UBR3: variants seen among roughly 807,000 people sequenced by gnomAD.
The protein encoded by UBR3 is E3 ubiquitin-protein ligase UBR3.
UBR3 carries 85 observed loss-of-function variants against 243.2 expected under a neutral mutation model. The ratio of observed to expected loss-of-function variants is 0.35; its 90% CI spans 0.29 to 0.42. UBR3 has a LOEUF of 0.42. UBR3 is among the 10% of genes least tolerant of loss of function. The pLI is 1.00. For missense variants in UBR3, 1,686 were observed against 2,300.8 expected (o/e 0.73, Z 5.47); for synonymous variants, 748 against 799.8 (o/e 0.94, Z 1.09).
chr2:170,005,475 G>A (rs2089881568), intron 27 of UBR3, among the ~76,000 whole-genome samples: 2 of 152,156 alleles, frequency 1.3e-5, no homozygotes, highest in South Asian at 4.1e-4. Context: ...CACATAGAGG[G>A]CGAGTGGGAA....
At chr2:169,893,324 G>C (rs1375673921) in intron 6 of UBR3, among the ~76,000 whole-genome samples, 1 of 152,164 alleles carries the variant, frequency 6.6e-6, no homozygotes, top group Non-Finnish European at 1.5e-5. Flanking sequence ...TTAAGTGCTT[G>C]ACAATTAATA....
At chr2:169,992,224 G>A (rs1260972680) in intron 25 of UBR3, among the ~76,000 whole-genome samples, 1 of 152,098 alleles carries the variant, frequency 6.6e-6, no homozygotes, top group Non-Finnish European at 1.5e-5. Flanking sequence ...GTAATAAAAA[G>A]TTTGAACATA....
chr2:170,061,209 T>C, intron 34 of UBR3, 23 bp downstream of exon 34: 1 of 1,582,106 alleles, frequency 6.3e-7, no homozygotes, highest in Non-Finnish European at 8.6e-7. Flanking sequence ...AAAAATCAGA[T>C]GTAGCGGTTA....
At chr2:169,842,414 A>T (rs890742884) in intron 1 of UBR3, among the ~76,000 whole-genome samples, 1 of 152,150 alleles carries the variant, frequency 6.6e-6, no homozygotes, top group Non-Finnish European at 1.5e-5. Context: ...CAGATAAGAG[A>T]ATAAAAGCAG....
chr2:169,827,647 G>T lies in UBR3; in HGVS notation c.140G>T (p.Gly47Val). 1 of 1,250,944 alleles carries T rather than the reference G, an allele frequency of 8.0e-7. No individual in the cohort carries two copies. Among genetic ancestry groups the T allele is most frequent in the Non-Finnish European group, 1.0e-6 (1 of 999,174 alleles). The allele number at this position is 1,250,944 out of a possible 1,614,324, so 77.5% of individuals were successfully genotyped here. Reference sequence around the variant, plus strand: ...CTCAGCCGGCCGGACAACCGCGCAGGTGCTGAGGAGCTGCAGGCGCTGCTG... The same window carrying T: ...CTCAGCCGGCCGGACAACCGCGCAGTTGCTGAGGAGCTGCAGGCGCTGCTG... ...AALSRPDNRA[G>V]AEELQALLER... Residue 47 changes from glycine to valine, a missense_variant, in exon 1 of 39, where the codon GGT (glycine) becomes GTT (valine). Transcript: ENST00000272793.
chr2:170,083,696 T>C lies in UBR3; in HGVS notation c.*1853T>C, dbSNP rs1559247418. 1 of 152,638 alleles carries C rather than the reference T, an allele frequency of 6.6e-6. No individual in the cohort carries two copies. The highest frequency in any genetic ancestry group is 1.5e-5 in the Non-Finnish European group (1 of 68,008). The allele number at this position is 152,638 out of a possible 1,614,324, so 9.5% of individuals were successfully genotyped here. A position where few individuals can be genotyped will look rare whatever the true frequency, so the allele number is the denominator to read the frequency against. ...TACTTATTTAAAATGGAATGTTTTA[T>C]GGTTGTGCATATGGATGTGAAGTGA... is the stretch of plus-strand genomic sequence containing the variant. On this transcript the variant is annotated 3_prime_UTR_variant, in exon 39 of 39. Transcript: ENST00000272793.
Position 169,848,699 on chromosome 2 carries a change from A to G in UBR3, c.545+20647A>G, listed in dbSNP as rs772005068. Among the ~76,000 whole-genome samples the G allele has an allele frequency of 3.1e-5, 4 of 128,918 alleles. 1 individual carries two copies. The highest frequency in any genetic ancestry group is 7.0e-5 in the Non-Finnish European group (4 of 57,024). The allele number at this position is 128,918 out of a possible 152,430, so 84.6% of individuals were successfully genotyped here. On this transcript the variant is annotated intron_variant, in intron 1 of 38. Coordinates refer to ENST00000272793, the MANE Select transcript of UBR3 (RefSeq NM_172070.4). ...TAGATCTTGAAAACATGTAATGTCA[A>G]GTTTTTTAATTTTTTTTTTTTTTTG...
chr2:170,077,142 T>C, intron 36 of UBR3: 1 of 540,440 alleles, frequency 1.9e-6, no homozygotes, highest in Non-Finnish European at 3.6e-6. Context: ...GTAAGGCTGT[T>C]TGGTAGTATT....
At chr2:170,003,876 G>A (rs1172815284) in intron 27 of UBR3, among the ~76,000 whole-genome samples, 4 of 152,142 alleles carry the variant, frequency 2.6e-5, no homozygotes, top group Non-Finnish European at 4.4e-5. Context: ...TCCTGACCTC[G>A]TGATCCATCC....
At chr2:170,077,462 C>A in intron 36 of UBR3, 1 of 1,470,924 alleles carries the variant, frequency 6.8e-7, no homozygotes, top group East Asian at 2.3e-5. Context: ...GTTACATGGG[C>A]TTTCTTGAAA....
At chr2:169,919,128 G>C (rs2085586766) in intron 11 of UBR3, among the ~76,000 whole-genome samples, 1 of 152,208 alleles carries the variant, frequency 6.6e-6, no homozygotes, top group East Asian at 1.9e-4. Flanking sequence ...CAGAAGCTTA[G>C]TAAGTTAGGG....
At chr2:169,834,087 C>G (rs1018681092) in intron 1 of UBR3, among the ~76,000 whole-genome samples, 1 of 152,198 alleles carries the variant, frequency 6.6e-6, no homozygotes, top group Non-Finnish European at 1.5e-5. Flanking sequence ...AGTGTGGTGC[C>G]TGGCCTGTGT....
intron 11 of UBR3, among the ~76,000 whole-genome samples, chr2:169,921,570 T>C (rs1009381515): frequency 6.6e-6 from 1 of 152,200 alleles, no homozygotes; most frequent in African/African-American, 2.4e-5. Flanking sequence ...ATGTACTGGG[T>C]ACTGTGCTGT....
chr2:169,908,626 G>A (rs2085113525), intron 10 of UBR3, among the ~76,000 whole-genome samples: 1 of 152,134 alleles, frequency 6.6e-6, no homozygotes. Context: ...GCTTTTGTAA[G>A]TGCTCTTTGG....
chr2:169,875,006 C>G (rs2083555876), intron 2 of UBR3, among the ~76,000 whole-genome samples: 1 of 146,292 alleles, frequency 6.8e-6, no homozygotes, highest in Admixed American at 7.0e-5. Flanking sequence ...GCTTTTCTTT[C>G]TCTCCATCTC....
At chr2:170,011,626 CTTTTTTTT>C (rs35877456) in intron 29 of UBR3, among the ~76,000 whole-genome samples, 2 of 123,286 alleles carry the variant, frequency 1.6e-5, no homozygotes, top group African/African-American at 6.0e-5. Context: ...TACAGCTTTT[CTTTTTTTT>C]TTTTTTTTTG....
chr2:170,043,207 C>G (rs566004861), intron 32 of UBR3, among the ~76,000 whole-genome samples: 1 of 152,124 alleles, frequency 6.6e-6, no homozygotes, highest in South Asian at 2.1e-4. Context: ...AAGATTGTCT[C>G]TCTGTCACTA....
chr2:169,964,013 A>T (rs938022916), intron 24 of UBR3, among the ~76,000 whole-genome samples: 3 of 152,208 alleles, frequency 2.0e-5, no homozygotes, highest in Non-Finnish European at 4.4e-5. Context: ...ATCACAGTAC[A>T]TCATACCTAA....
intron 27 of UBR3, among the ~76,000 whole-genome samples, chr2:170,001,938 A>AAAAAAAAAAAG (rs1559175182): frequency 8.5e-5 from 11 of 130,126 alleles, no homozygotes; most frequent in African/African-American, 3.0e-4. Flanking sequence ...AAAAAAAAAA[A>AAAAAAAAAAAG]AAAAGAAAGA....
Sources: allele counts gnomAD v4.1 joint callset (sites outside exome capture counted in the v4.1 genomes callset), GRCh38; gene constraint gnomAD v4.1.1; transcripts MANE v1.5; gene names NCBI Gene and HGNC (gene_info 2026-07-23, HGNC 2026-07-21).